Variants in PTPRM observed in about 807,000 individuals in gnomAD.
The protein encoded by PTPRM is protein tyrosine phosphatase receptor type M.
A neutral mutation model predicts 186.7 loss-of-function variants in PTPRM; 47 were observed. The ratio of observed to expected loss-of-function variants is 0.25; its 90% CI spans 0.20 to 0.32. The LOEUF is 0.32. PTPRM is among the 10% of genes least tolerant of loss of function. PTPRM has a pLI of 1.00. For synonymous variants in PTPRM, 668 were observed against 674.9 expected (o/e 0.99, Z 0.16); for missense variants, 1,494 against 1,865.0 (o/e 0.80, Z 3.66).
chr18:8,032,203 T>C (rs554257679), intron 7 of PTPRM, among the ~76,000 whole-genome samples: 1 of 152,338 alleles, frequency 6.6e-6, no homozygotes, highest in Admixed American at 6.5e-5. Flanking sequence ...TGGATTCTAA[T>C]TCTGGCCCTA....
At chr18:8,107,113 A>G (rs769760001) in intron 11 of PTPRM, among the ~76,000 whole-genome samples, 3 of 152,242 alleles carry the variant, frequency 2.0e-5, no homozygotes, top group Non-Finnish European at 2.9e-5. Context: ...TTTTCATAAT[A>G]GTAACTAATT....
chr18:7,917,767 C>T (rs2050645854), intron 4 of PTPRM, among the ~76,000 whole-genome samples: 1 of 151,880 alleles, frequency 6.6e-6, no homozygotes, highest in Admixed American at 6.6e-5. Flanking sequence ...TCTTCAAGCA[C>T]TAAGTTTTAT....
Position 8,004,217 on chromosome 18 carries a change from C to A in PTPRM, c.1132+48803C>A, listed in dbSNP as rs572815748. ...AAACCAAACTGAAAGCAACCACTTA[C>A]TTACAGTAAGGGTTGAGAGGGGCAT... On this transcript the variant is annotated intron_variant, in intron 7 of 32. Coordinates refer to ENST00000580170, the MANE Select transcript of PTPRM (RefSeq NM_001105244.2). 5.9e-5 allele frequency among the ~76,000 whole-genome samples: 9 copies of A among 152,202 alleles called. No homozygotes were observed. In the South Asian group the frequency reaches 1.9e-3, roughly 32 times the overall value.
chr18:7,627,126 C>T (rs1302319447), intron 1 of PTPRM, among the ~76,000 whole-genome samples: 1 of 152,136 alleles, frequency 6.6e-6, no homozygotes, highest in Non-Finnish European at 1.5e-5. Context: ...GAATGAGAAT[C>T]CCCTGTGGAA....
chr18:8,042,849 A>T (rs2086778370), intron 7 of PTPRM, among the ~76,000 whole-genome samples: 1 of 151,850 alleles, frequency 6.6e-6, no homozygotes, highest in South Asian at 2.1e-4. Context: ...CAGCCCATGG[A>T]TTGTTTCTCA....
At chr18:7,931,596 G>A (rs910054314) in intron 5 of PTPRM, among the ~76,000 whole-genome samples, 14 of 152,296 alleles carry the variant, frequency 9.2e-5, no homozygotes, top group Middle Eastern at 3.4e-3. Flanking sequence ...AGCTACTCAG[G>A]AGGCTGAGGC....
At chr18:8,351,320 C>T (rs1185184139) in intron 23 of PTPRM, among the ~76,000 whole-genome samples, 4 of 152,214 alleles carry the variant, frequency 2.6e-5, no homozygotes, top group Admixed American at 6.5e-5. Context: ...GGCCTTGGCT[C>T]TTCCCATGCC....
At chr18:8,002,265 T>A (rs946740494) in intron 7 of PTPRM, among the ~76,000 whole-genome samples, 1 of 152,228 alleles carries the variant, frequency 6.6e-6, no homozygotes, top group East Asian at 1.9e-4. Flanking sequence ...AAAACCTTGA[T>A]AACATTTAGA....
At chr18:7,984,938 CATAT>C in intron 7 of PTPRM, among the ~76,000 whole-genome samples, 1 of 115,162 alleles carries the variant, frequency 8.7e-6, no homozygotes, top group Non-Finnish European at 1.6e-5. Context: ...TAAATATATA[CATAT>C]ATATACATAT....
chr18:8,362,816 A>G (rs1432289282), intron 23 of PTPRM, among the ~76,000 whole-genome samples: 1 of 152,212 alleles, frequency 6.6e-6, no homozygotes, highest in Non-Finnish European at 1.5e-5. Flanking sequence ...AATTGAGTTA[A>G]TATTCATAAC....
At chr18:7,969,573 A>T (rs1185819172) in intron 7 of PTPRM, among the ~76,000 whole-genome samples, 1 of 148,124 alleles carries the variant, frequency 6.8e-6, no homozygotes, top group Non-Finnish European at 1.5e-5. Context: ...AGACTAATAA[A>T]GAAAAAAAGA....
chr18:7,961,456 C>G (rs886355588), intron 7 of PTPRM, among the ~76,000 whole-genome samples: 2 of 152,154 alleles, frequency 1.3e-5, no homozygotes, highest in African/African-American at 4.8e-5. Flanking sequence ...GCGATTGCAC[C>G]TTTTTAATTA....
At chr18:8,036,150 C>T (rs2086313945) in intron 7 of PTPRM, among the ~76,000 whole-genome samples, 1 of 152,150 alleles carries the variant, frequency 6.6e-6, no homozygotes, top group South Asian at 2.1e-4. Context: ...CATGATAGCT[C>T]CTCACATGGC....
intron 1 of PTPRM, among the ~76,000 whole-genome samples, chr18:7,711,757 C>T (rs968571418): frequency 3.9e-5 from 6 of 152,176 alleles, no homozygotes; most frequent in Non-Finnish European, 8.8e-5. Context: ...CTCTGCAAAG[C>T]CACTGTAGCC....
intron 22 of PTPRM, among the ~76,000 whole-genome samples, chr18:8,338,372 T>TAA (rs5823000): frequency 0.34 from 49,878 of 147,976 alleles, 9,073 homozygotes; most frequent in East Asian, 0.66. Context: ...TTGTAATGCT[T>TAA]AAAAAAAAAA....
intron 29 of PTPRM, among the ~76,000 whole-genome samples, chr18:8,383,807 A>G (rs2095754570): frequency 1.3e-5 from 2 of 152,252 alleles, no homozygotes; most frequent in Non-Finnish European, 2.9e-5. Flanking sequence ...AATAGTGGTT[A>G]TAAATCCACA....
At chr18:8,085,909 G>T in intron 10 of PTPRM, 37 bp downstream of exon 10, 1 of 1,585,460 alleles carries the variant, frequency 6.3e-7, no homozygotes. Flanking sequence ...TTTATCAGAA[G>T]TAACATTTTT....
chr18:7,652,393 C>T (rs2038733166), intron 1 of PTPRM, among the ~76,000 whole-genome samples: 1 of 152,026 alleles, frequency 6.6e-6, no homozygotes, highest in Admixed American at 6.5e-5. Context: ...CCCAGCCATC[C>T]CATTACTGGG....
At chr18:8,272,310 T>A (rs1420852626) in intron 19 of PTPRM, among the ~76,000 whole-genome samples, 1 of 152,032 alleles carries the variant, frequency 6.6e-6, no homozygotes, top group Non-Finnish European at 1.5e-5. Flanking sequence ...CTTTTAATAC[T>A]GTTCTTTATT....
Sources: gnomAD v4.1 joint callset for allele counts (sites outside exome capture counted in the v4.1 genomes callset) on GRCh38, gnomAD v4.1.1 for gene constraint, MANE v1.5 for transcripts, NCBI Gene and HGNC (gene_info 2026-07-23, HGNC 2026-07-21) for gene names.